DOCK5: variants seen among roughly 807,000 people sequenced by gnomAD.
The protein encoded by DOCK5 is dedicator of cytokinesis 5, also known as dedicator of cytokinesis protein 5.
DOCK5 carries 142 observed loss-of-function variants against 251.8 expected under a neutral mutation model. That is an observed-to-expected ratio of 0.56 (90% CI 0.49 to 0.65). The LOEUF is 0.65. Among genes scored for constraint, DOCK5 ranks in the 30% least tolerant of loss-of-function variants. The pLI is 0.00. For synonymous variants in DOCK5, 842 were observed against 835.5 expected (o/e 1.01, Z -0.13); for missense variants, 2,111 against 2,312.3 (o/e 0.91, Z 1.79).
intron 2 of DOCK5, among the ~76,000 whole-genome samples, chr8:25,254,805 A>AAAAAAC (rs1803375976): frequency 6.9e-6 from 1 of 144,194 alleles, no homozygotes; most frequent in Non-Finnish European, 1.5e-5. Flanking sequence ...AAAAAAAAAA[A>AAAAAAC]CATTTGATAA....
rs1279363213 is a variant in DOCK5, at chr8:25,413,236, C to T, written c.*1938C>T. ...ATGGTCCCTGCTTTCCTCTGCTAGG[C>T]CTGAGTAGGAACTGGAACTCTCTAA... On this transcript the variant is annotated 3_prime_UTR_variant, in exon 52 of 52. Coordinates refer to ENST00000276440, the MANE Select transcript of DOCK5 (RefSeq NM_024940.8). 2 of 152,130 alleles carry T rather than the reference C, an allele frequency of 1.3e-5. No homozygotes were observed. Among genetic ancestry groups the T allele is most frequent in the African/African-American group, 4.8e-5 (2 of 41,412 alleles). 9.4% of individuals were successfully genotyped at this position (152,130 alleles called of 1,614,324 possible).
intron 1 of DOCK5, among the ~76,000 whole-genome samples, chr8:25,229,798 A>G (rs1376616502): frequency 6.6e-6 from 1 of 152,150 alleles, no homozygotes. Context: ...CATTGCATAA[A>G]AGGTAATTGG....
intron 1 of DOCK5, among the ~76,000 whole-genome samples, chr8:25,229,727 A>T (rs1417387589): frequency 2.0e-5 from 3 of 152,198 alleles, no homozygotes. Context: ...TGATATATTC[A>T]TATTTAATAA....
Position 25,308,917 on chromosome 8 carries a change from A to G in DOCK5, c.1184A>G (p.Lys395Arg). Residue 395 changes from lysine to arginine, a missense_variant, in exon 12 of 52, where the codon AAA (lysine) becomes AGA (arginine). This residue lies in a region of DOCK5 where 1,717 missense variants were observed against 1,892.4 expected (regional missense o/e 0.91). Transcript: ENST00000276440. ...ATTGCAGCAAAGGAAGTGAATCACA[A>G]AGGGCAAGGTACAGTCCAGTGCCAG... ...KVIAAKEVNH[K>R]GQGLWVSLKL... is the part of the protein sequence containing the mutation. The G allele has an allele frequency of 1.2e-6, 2 of 1,613,766 alleles. No individual in the cohort carries two copies. Among genetic ancestry groups the G allele is most frequent in the South Asian group, 1.1e-5 (1 of 91,070 alleles).
intron 3 of DOCK5, chr8:25,270,860 G>C (rs547118608): frequency 1.0e-5 from 7 of 703,474 alleles, no homozygotes; most frequent in Admixed American, 8.0e-5. Flanking sequence ...AAATGGCATA[G>C]TATTTGCATA....
At chr8:25,374,757 G>C in intron 37 of DOCK5, 103 bp downstream of exon 37, 1 of 1,605,020 alleles carries the variant, frequency 6.2e-7, no homozygotes, top group Non-Finnish European at 8.5e-7. Context: ...CTTTATTCCA[G>C]GAATATCCTT....
chr8:25,387,419 G>A (rs117966249), intron 40 of DOCK5, among the ~76,000 whole-genome samples: 221 of 152,194 alleles, frequency 1.5e-3, no homozygotes, highest in Non-Finnish European at 2.6e-3. Context: ...TTGAATCAGC[G>A]TCGACTCCCC....
intron 18 of DOCK5, among the ~76,000 whole-genome samples, chr8:25,330,147 T>A (rs1373339837): frequency 6.6e-6 from 1 of 152,200 alleles, no homozygotes; most frequent in African/African-American, 2.4e-5. Context: ...GAGTGATACC[T>A]TCGACTAGCC....
In DOCK5 at chr8:25,268,869, A is replaced by G. The variant is rs752187477; in HGVS notation, c.152A>G (p.Gln51Arg). ...GGTTGGTACAGAGGATATACCCTCCAAAATAAATCTAAAAAGGTATGACTT... is the reference window on the plus strand; with the variant it reads ...GGTTGGTACAGAGGATATACCCTCCGAAATAAATCTAAAAAGGTATGACTT... ...YEGWYRGYTL[Q>R]NKSKKGIFPE... The change falls in exon 3 of 52, where the codon CAA becomes CGA. Residue 51 changes from glutamine to arginine, a missense_variant. Around this residue, in one of 3 missense-constraint regions of DOCK5, gnomAD observed 335 missense variants for 324.9 expected, o/e 1.03. Coordinates refer to ENST00000276440, the MANE Select transcript of DOCK5 (RefSeq NM_024940.8). The G allele has an allele frequency of 1.9e-6, 3 of 1,560,896 alleles. No homozygotes were observed. Among genetic ancestry groups the G allele is most frequent in the Non-Finnish European group, 2.6e-6 (3 of 1,158,726 alleles).
At chr8:25,306,568 C>A (rs1331437865) in intron 11 of DOCK5, among the ~76,000 whole-genome samples, 2 of 151,566 alleles carry the variant, frequency 1.3e-5, no homozygotes, top group African/African-American at 4.8e-5. Context: ...GTGGCGGGCG[C>A]CTGTAGTCCC....
At chr8:25,234,246 C>T (rs1802739676) in intron 1 of DOCK5, among the ~76,000 whole-genome samples, 1 of 152,188 alleles carries the variant, frequency 6.6e-6, no homozygotes, top group African/African-American at 2.4e-5. Context: ...CTAGATTCCA[C>T]AGTAACCTCT....
At chr8:25,249,926 A>T (rs1400186148) in intron 2 of DOCK5, among the ~76,000 whole-genome samples, 1 of 152,186 alleles carries the variant, frequency 6.6e-6, no homozygotes, top group East Asian at 1.9e-4. Context: ...TTCATTGCTG[A>T]GTAATATGTA....
chr8:25,329,835 G>GA (rs1251150382), intron 18 of DOCK5, among the ~76,000 whole-genome samples: 5 of 151,988 alleles, frequency 3.3e-5, no homozygotes, highest in South Asian at 2.1e-4. Context: ...TATACAGCGA[G>GA]AAAAAAAATT....
chr8:25,226,734 C>T (rs1002088709), intron 1 of DOCK5, among the ~76,000 whole-genome samples: 5 of 151,826 alleles, frequency 3.3e-5, no homozygotes, highest in Non-Finnish European at 7.4e-5. Flanking sequence ...TACAGGCGCC[C>T]GCCACCACGC....
rs201588003 is a variant in DOCK5 at position 25,193,441 on chromosome 8, T to G, written c.43+8490T>G. Among the ~76,000 whole-genome samples the G allele has an allele frequency of 1.7e-4, 26 of 151,924 alleles. No homozygotes were observed. The East Asian group carries it at 4.3e-3, about 25-fold the overall frequency. On this transcript the variant is annotated intron_variant, in intron 1 of 51. Coordinates refer to ENST00000276440, the MANE Select transcript of DOCK5 (RefSeq NM_024940.8). ...CTGTAGCACTATGCTTGGGACCATT[T>G]TAAATAGAAAAATCACCAGCAAAAA...
chr8:25,245,164 C>T (rs1274552920), intron 2 of DOCK5, among the ~76,000 whole-genome samples: 2 of 152,156 alleles, frequency 1.3e-5, no homozygotes, highest in African/African-American at 2.4e-5. Context: ...TCATGCCATT[C>T]TCCTGCCTCA....
chr8:25,331,967 A>G (rs933106899), intron 18 of DOCK5, among the ~76,000 whole-genome samples: 16 of 152,140 alleles, frequency 1.1e-4, no homozygotes, highest in Admixed American at 1.0e-3. Context: ...TCTTAGCTTT[A>G]CTTCTTATGA....
rs1197523301 is a variant in DOCK5, at chr8:25,319,563, TC to T, written c.1444-13del. Reference sequence around the variant, plus strand: ...ACAAAATTATTCCCTTCTAATTTTTTCCTTCCATCTGAAGAAAGCAATTCAC... The same window carrying T: ...ACAAAATTATTCCCTTCTAATTTTTTCTTCCATCTGAAGAAAGCAATTCAC... On this transcript the variant is annotated splice_polypyrimidine_tract_variant and intron_variant, in intron 14 of 51. Transcript: ENST00000276440. 5 of 1,552,280 alleles carry T rather than the reference TC, an allele frequency of 3.2e-6. No homozygotes were observed. The East Asian group carries it at 1.2e-4, about 37-fold the overall frequency.
In DOCK5 at chr8:25,395,641, C is replaced by G. The variant is rs1335657499; in HGVS notation, c.4626C>G (p.Leu1542=). 1.9e-6 allele frequency: 3 copies of G among 1,613,692 alleles called. No homozygotes were observed. Among genetic ancestry groups the G allele is most frequent in the Non-Finnish European group, 2.5e-6 (3 of 1,179,812 alleles). The change falls in exon 45 of 52, where the codon CTC becomes CTG. Residue 1542 remains leucine, a synonymous_variant. Coordinates refer to ENST00000276440, the MANE Select transcript of DOCK5 (RefSeq NM_024940.8). ...AGCAGCATGCCTGGGACCGGTCCCT[C>G]TCTGTGCACCCTCTCTCCATGCTGC... ...CVQQHAWDRS[L]SVHPLSMLLS... is the part of the protein sequence containing the mutation.
Sources: allele counts gnomAD v4.1 joint callset (sites outside exome capture counted in the v4.1 genomes callset), GRCh38; gene constraint gnomAD v4.1.1; regional missense constraint gnomAD v4.1.1; transcripts MANE v1.5; gene names NCBI Gene and HGNC (gene_info 2026-07-23, HGNC 2026-07-21).